The following SAGE1 variants were observed in gnomAD, a reference collection of about 807,000 sequenced individuals.
The protein encoded by SAGE1 is cancer/testis antigen 14.
Under a neutral mutation model 55.4 loss-of-function variants are expected in SAGE1, and 55 were observed. The ratio of observed to expected loss-of-function variants is 0.99; its 90% CI spans 0.80 to 1.24. The LOEUF (loss-of-function observed/expected upper bound fraction) is 1.24, where lower values mean the gene tolerates loss of function less well. Among genes scored for constraint, SAGE1 ranks in the 50% most tolerant of loss-of-function variants. The pLI is 0.00. For missense variants in SAGE1, 710 were observed against 704.4 expected, an observed-to-expected ratio of 1.01 and a Z score of -0.09; for synonymous variants, 240 against 244.3, an observed-to-expected ratio of 0.98 and a Z score of 0.17.
rs1396512818 is a variant in SAGE1, at chrX:135,912,933, A to G, written c.*36A>G. ...GCAAAGACCAAGGAGAAACAAGGAC[A>G]TATGCTGTAGGATGGAACAGGTTAT... On this transcript the variant is annotated 3_prime_UTR_variant, in exon 20 of 20. Transcript: ENST00000370709. 5.2e-6 allele frequency: 5 copies of G among 962,727 alleles called. No individual in the cohort carries two copies. Among genetic ancestry groups the G allele is most frequent in the South Asian group, 2.1e-5 (1 of 48,708 alleles). 79.3% of individuals were successfully genotyped at this position (962,727 alleles called of 1,213,427 possible).
intron 13 of SAGE1, 73 bp from the exon 14 acceptor site, chrX:135,909,566 A>G: frequency 1.0e-6 from 1 of 990,161 alleles, no homozygotes; most frequent in Non-Finnish European, 1.4e-6. Context: ...CAAACTGAAC[A>G]TCAGAGGGAT....
intron 16 of SAGE1, among the ~76,000 whole-genome samples, chrX:135,910,918 A>T (rs2088887017): frequency 8.9e-6 from 1 of 111,951 alleles, no homozygotes; most frequent in Non-Finnish European, 1.9e-5. Context: ...AGGAGCTAAC[A>T]TCCCAGCCAT....
chrX:135,910,610 T>G, intron 16 of SAGE1, 55 bp downstream of exon 16: 1 of 1,083,898 alleles, frequency 9.2e-7, no homozygotes, highest in Non-Finnish European at 1.3e-6. Context: ...GCAGGCATAT[T>G]TTCATGAATG....
rs782541937 is a variant in SAGE1 at position 135,907,082 on chromosome X, A to G, written c.877+16A>G. 1.2e-5 allele frequency: 14 copies of G among 1,197,969 alleles called. No homozygotes were observed. The African/African-American group carries it at 2.1e-4, about 18-fold the overall frequency. On this transcript the variant is annotated intron_variant, in intron 8 of 19. Transcript: ENST00000370709. ...AATGGCCTGTGTATGTTTGCTTGTT[A>G]ATTGGATTATCCTGCTTGGTTTCCA...
chrX:135,908,953 C>A lies in SAGE1; in HGVS notation c.1531C>A (p.Leu511Ile), dbSNP rs2088847918. 1 of 1,207,730 alleles carries A rather than the reference C, an allele frequency of 8.3e-7. No homozygotes were observed. Among genetic ancestry groups the A allele is most frequent in the East Asian group, 3.0e-5 (1 of 33,747 alleles). Residue 511 changes from leucine (L) to isoleucine (I), a missense_variant, in exon 13 of 20, where the codon CTT becomes ATT. By Grantham distance (5) the Leu-to-Ile change is conservative. Transcript: ENST00000370709. Reference protein sequence around the residue: ...DKVISNDAPQLGHMAAGGIPS... With the variant: ...DKVISNDAPQIGHMAAGGIPS... ...GGTCATATCAAATGATGCACCACAG[C>A]TTGGTCATATGGCTGCAGGTGGTAT...
chrX:135,908,887 C>A lies in SAGE1; in HGVS notation c.1465C>A (p.Arg489Ser), dbSNP rs1556604192. The A allele has an allele frequency of 8.3e-7, 1 of 1,207,055 alleles. No individual in the cohort carries two copies. The change falls in exon 13 of 20, where the codon CGT (arginine) becomes AGT (serine). Residue 489 changes from arginine (R) to serine (S), a missense_variant. Arg to Ser is a moderately radical substitution (Grantham distance 110). Transcript: ENST00000370709. Reference protein sequence around the residue: ...DLYATITHSVREEKMESGKPQ... With the variant: ...DLYATITHSVSEEKMESGKPQ... ...AGATGCTACCATTACTCACAGTGTT[C>A]GTGAAGAGAAGATGGAAAGTGGCAA...
intron 3 of SAGE1, among the ~76,000 whole-genome samples, chrX:135,903,320 G>A (rs1454343434): frequency 8.0e-5 from 9 of 112,745 alleles, no homozygotes; most frequent in African/African-American, 2.9e-4. Flanking sequence ...CTCTGCTGCT[G>A]TCTCCCACAG....
At chrX:135,900,648 A>G (rs1301633591) in intron 2 of SAGE1, among the ~76,000 whole-genome samples, 1 of 111,107 alleles carries the variant, frequency 9.0e-6, no homozygotes, top group Non-Finnish European at 1.9e-5. Context: ...GTTAACATAC[A>G]TACTATACCC....
chrX:135,910,894 C>A (rs1276072972), intron 16 of SAGE1, among the ~76,000 whole-genome samples: 5 of 111,859 alleles, frequency 4.5e-5, no homozygotes, highest in African/African-American at 1.6e-4. Flanking sequence ...TCCATCAGGG[C>A]TTATTAATAT....
chrX:135,902,018 A>G (rs1308443668), intron 3 of SAGE1, among the ~76,000 whole-genome samples: 18 of 112,020 alleles, frequency 1.6e-4, no homozygotes, highest in African/African-American at 5.9e-4. Context: ...TTTGGCGTTA[A>G]TGTCTCAGCA....
chrX:135,898,363 T>G (rs1198822530), intron 2 of SAGE1, among the ~76,000 whole-genome samples: 2 of 112,592 alleles, frequency 1.8e-5, no homozygotes, highest in Non-Finnish European at 3.8e-5. Flanking sequence ...GTGGTGTATA[T>G]GTACTACATT....
At chrX:135,895,410 G>C (rs1306949515) in intron 1 of SAGE1, among the ~76,000 whole-genome samples, 2 of 112,118 alleles carry the variant, frequency 1.8e-5, no homozygotes, top group Non-Finnish European at 3.8e-5. Context: ...TCTTAGGCTG[G>C]TCACACTTCT....
chrX:135,900,041 G>A (rs1354379631), intron 2 of SAGE1, among the ~76,000 whole-genome samples: 1 of 110,803 alleles, frequency 9.0e-6, no homozygotes, highest in Non-Finnish European at 1.9e-5. Context: ...TTGAATAGGC[G>A]AGGTGAGGGA....
chrX:135,894,578 A>G (rs781805013), intron 1 of SAGE1, among the ~76,000 whole-genome samples: 2 of 104,670 alleles, frequency 1.9e-5, no homozygotes, highest in Non-Finnish European at 3.9e-5. Context: ...AGATTGTTAG[A>G]TTTTTTTTTT....
Position 135,910,126 on chromosome X carries a change from A to C in SAGE1, c.1820A>C (p.Asn607Thr), listed in dbSNP as rs148235147. ...VFSTVPPAFI[N>T]MAATGVSSMS... The stretch of plus-strand genomic sequence containing the variant: ...TCGACTGTTCCACCAGCATTTATTA[A>C]TATGGCAGCAACTGGTGTTTCATCC... The change falls in exon 15 of 20, where the codon AAT becomes ACT. Residue 607 changes from asparagine (N) to threonine (T), a missense_variant. Coordinates refer to ENST00000370709, the MANE Select transcript of SAGE1 (RefSeq NM_001381902.1). The C allele has an allele frequency of 1.1e-4, 128 of 1,205,675 alleles. No individual in the cohort carries two copies. The highest frequency in any genetic ancestry group is 1.2e-4 in the Non-Finnish European group (111 of 891,464).
intron 3 of SAGE1, among the ~76,000 whole-genome samples, chrX:135,903,188 TCA>T (rs1391543698): frequency 8.9e-6 from 1 of 112,068 alleles, no homozygotes; most frequent in Non-Finnish European, 1.9e-5. Flanking sequence ...ACCCTTGGCC[TCA>T]CTGCAGCCTG....
Position 135,908,281 on chromosome X carries a change from G to A in SAGE1, c.1300+52G>A, listed in dbSNP as rs186567209. 2.9e-5 allele frequency: 32 copies of A among 1,112,650 alleles called. 1 individual carries two copies. In the Middle Eastern group the frequency reaches 1.7e-3, roughly 60 times the overall value. The allele number at this position is 1,112,650 out of a possible 1,213,427, so 91.7% of individuals were successfully genotyped here. On this transcript the variant is annotated intron_variant, in intron 11 of 19. Coordinates refer to ENST00000370709, the MANE Select transcript of SAGE1 (RefSeq NM_001381902.1). Reference sequence around the variant, plus strand: ...CCTACTTGGTTTCCATATGAATGCAGTATCATAAATGGAAGAATGTGGTTT... The same window carrying A: ...CCTACTTGGTTTCCATATGAATGCAATATCATAAATGGAAGAATGTGGTTT...
At chrX:135,896,152 G>A (rs2088580631) in intron 1 of SAGE1, 91 bp from the exon 2 acceptor site, 2 of 616,684 alleles carry the variant, frequency 3.2e-6, no homozygotes, top group South Asian at 4.9e-5. Flanking sequence ...TATTTCAGCT[G>A]TATAGCGCCA....
chrX:135,910,363 G>A (rs2088873800), intron 15 of SAGE1, 52 bp from the exon 16 acceptor site: 1 of 1,182,096 alleles, frequency 8.5e-7, no homozygotes. Flanking sequence ...GTATGCCTGT[G>A]CGGTTGACAT....
Sources: allele counts gnomAD v4.1 joint callset (sites outside exome capture counted in the v4.1 genomes callset), GRCh38; gene constraint gnomAD v4.1.1; transcripts MANE v1.5; gene names NCBI Gene and HGNC (gene_info 2026-07-23, HGNC 2026-07-21).